The following PRUNE2 variants were observed in gnomAD, a reference collection of about 807,000 sequenced individuals.
PRUNE2 encodes the protein prune homolog 2 with BCH domain.
PRUNE2 carries 164 observed loss-of-function variants against 252.0 expected under a neutral mutation model. The observed-to-expected ratio is 0.65, with a 90% CI of 0.57 to 0.74. The LOEUF (loss-of-function observed/expected upper bound fraction) is 0.74. Among genes scored for constraint, PRUNE2 ranks in the 30% least tolerant of loss-of-function variants. The pLI is 0.00. For missense variants in PRUNE2, 3,495 were observed against 3,711.0 expected, an observed-to-expected ratio of 0.94 and a Z score of 1.51; for synonymous variants, 1,292 against 1,350.2, an observed-to-expected ratio of 0.96 and a Z score of 0.94.
rs1225526649 is a variant in PRUNE2, at chr9:76,703,705, C to G, written c.7908G>C (p.Leu2636Phe). The G allele has an allele frequency of 1.2e-6, 2 of 1,613,488 alleles. No individual in the cohort carries two copies. Among genetic ancestry groups the G allele is most frequent in the East Asian group, 4.5e-5 (2 of 44,884 alleles). The change falls in exon 9 of 19, where the codon TTG (leucine) becomes TTC (phenylalanine). Residue 2636 changes from leucine (L) to phenylalanine (F), a missense_variant. Physicochemically the swap from Leu to Phe is conservative, Grantham distance 22 (BLOSUM62 0). Coordinates refer to ENST00000376718, the MANE Select transcript of PRUNE2 (RefSeq NM_015225.3). Reference protein sequence around the residue: ...SPAQDQSWMFLGHSEVGDPSL... With the variant: ...SPAQDQSWMFFGHSEVGDPSL... ...ATGGATCACCAACCTCACTATGGCC[C>G]AAGAACATCCAACTCTGGTCTTGTG... is the stretch of plus-strand genomic sequence containing the variant.
chr9:76,904,276 G>A (rs2063349469), intron 1 of PRUNE2, among the ~76,000 whole-genome samples: 1 of 151,796 alleles, frequency 6.6e-6, no homozygotes, highest in African/African-American at 2.4e-5. Flanking sequence ...GTCTAATGAA[G>A]GGTAAATAAA....
In PRUNE2 at chr9:76,708,043, C is replaced by G. The variant is rs1356227426; in HGVS notation, c.4231G>C (p.Asp1411His). 9 of 1,613,986 alleles carry G rather than the reference C, an allele frequency of 5.6e-6. No individual in the cohort carries two copies. The highest frequency in any genetic ancestry group is 6.8e-6 in the Non-Finnish European group (8 of 1,179,894). ...LEYEEGSYNLDSRDVQTGMSA... is the reference protein window; with the variant it reads ...LEYEEGSYNLHSRDVQTGMSA... ...ATCCCTGTTTGCACATCACGGGAGTCTAGATTGTAAGACCCCTCCTCATAC... is the reference window on the plus strand; with the variant it reads ...ATCCCTGTTTGCACATCACGGGAGTGTAGATTGTAAGACCCCTCCTCATAC... Residue 1411 changes from aspartate (D) to histidine (H), a missense_variant, in exon 8 of 19, where the codon GAC (aspartate) becomes CAC (histidine). By Grantham distance (81) the Asp-to-His change is moderately conservative (BLOSUM62 -1). Coordinates refer to ENST00000376718, the MANE Select transcript of PRUNE2 (RefSeq NM_015225.3).
intron 9 of PRUNE2, chr9:76,692,453 T>C (rs1163723780): frequency 3.3e-6 from 1 of 307,466 alleles, no homozygotes; most frequent in Non-Finnish European, 5.9e-6. Context: ...TTAGTTCTCT[T>C]GAAACCTCTT....
intron 6 of PRUNE2, among the ~76,000 whole-genome samples, chr9:76,791,328 C>A (rs56838992): frequency 0.045 from 221 of 4,894 alleles, no homozygotes; most frequent in African/African-American, 0.15. Flanking sequence ...TACAATAATA[C>A]TGCACCAATT....
Position 76,883,731 on chromosome 9 carries a change from C to T in PRUNE2, c.36+22197G>A, listed in dbSNP as rs554340563. On this transcript the variant is annotated intron_variant, in intron 1 of 18. Transcript: ENST00000376718. ...CCAGGAAAATGCATCATCTTCTCTACTACTTATACTGTGGAGATTTGCAAA... is the reference window on the plus strand; with the variant it reads ...CCAGGAAAATGCATCATCTTCTCTATTACTTATACTGTGGAGATTTGCAAA... Among the ~76,000 whole-genome samples the T allele has an allele frequency of 2.0e-5, 3 of 152,292 alleles. No homozygotes were observed. In the East Asian group the frequency reaches 5.8e-4, roughly 29 times the overall value.
At chr9:76,725,514 G>GC (rs2048034257) in intron 6 of PRUNE2, among the ~76,000 whole-genome samples, 1 of 152,024 alleles carries the variant, frequency 6.6e-6, no homozygotes, top group African/African-American at 2.4e-5. Flanking sequence ...ATATGGTTGT[G>GC]CCCCCTTTGC....
chr9:76,705,442 G>A lies in PRUNE2; in HGVS notation c.6832C>T (p.Pro2278Ser), dbSNP rs2046242958. Residue 2278 changes from proline (P) to serine (S), a missense_variant, in exon 8 of 19, where the codon CCT (proline) becomes TCT (serine). Transcript: ENST00000376718. ...AGCAAAGCATCAGGAACCAAGGCAG[G>A]ATTCTCTGTGGATAAATGTGGATCA... ...DGDPHLSTEN[P>S]ALVPDALLAS... 1.9e-6 allele frequency: 3 copies of A among 1,613,952 alleles called. No homozygotes were observed. Among genetic ancestry groups the A allele is most frequent in the Non-Finnish European group, 2.5e-6 (3 of 1,179,846 alleles).
At chr9:76,845,729 T>A (rs577415762) in intron 4 of PRUNE2, among the ~76,000 whole-genome samples, 1 of 152,234 alleles carries the variant, frequency 6.6e-6, no homozygotes, top group African/African-American at 2.4e-5. Flanking sequence ...CTGTGTTAAA[T>A]ACTTTTGAGA....
At chr9:76,890,335 G>A (rs1190626707) in intron 1 of PRUNE2, among the ~76,000 whole-genome samples, 1 of 152,174 alleles carries the variant, frequency 6.6e-6, no homozygotes, top group Non-Finnish European at 1.5e-5. Context: ...GATAAGAAGT[G>A]GTGTAAAGAT....
At chr9:76,899,256 A>G (rs1291369231) in intron 1 of PRUNE2, among the ~76,000 whole-genome samples, 1 of 152,216 alleles carries the variant, frequency 6.6e-6, no homozygotes, top group Non-Finnish European at 1.5e-5. Context: ...AGAGGCTTTT[A>G]GTGCCCCATT....
At chr9:76,851,174 T>C (rs1262790667) in intron 2 of PRUNE2, among the ~76,000 whole-genome samples, 1 of 152,042 alleles carries the variant, frequency 6.6e-6, no homozygotes, top group African/African-American at 2.4e-5. Flanking sequence ...GGCACATACA[T>C]TGCATCTAAA....
In PRUNE2 at chr9:76,703,524, G is replaced by C. The variant is rs953037385; in HGVS notation, c.8089C>G (p.Gln2697Glu). Reference protein sequence around the residue: ...ALEEASGPVSQSQKSKSRGRA... With the variant: ...ALEEASGPVSESQKSKSRGRA... ...CCTCGGCTCTTACTCTTCTGTGATT[G>C]GCTGACTGGACCAGAGGCTTCCTCT... The change falls in exon 9 of 19, where the codon CAA (glutamine) becomes GAA (glutamate). Residue 2697 changes from glutamine to glutamate, a missense_variant. Physicochemically the swap from Gln to Glu is conservative, Grantham distance 29. Coordinates refer to ENST00000376718, the MANE Select transcript of PRUNE2 (RefSeq NM_015225.3). The C allele has an allele frequency of 1.2e-6, 2 of 1,613,782 alleles. No individual in the cohort carries two copies. Among genetic ancestry groups the C allele is most frequent in the South Asian group, 2.2e-5 (2 of 91,072 alleles).
chr9:76,648,023 G>A (rs928077621), intron 11 of PRUNE2, among the ~76,000 whole-genome samples: 1 of 151,932 alleles, frequency 6.6e-6, no homozygotes, highest in Non-Finnish European at 1.5e-5. Context: ...ACCTGGACAG[G>A]TACCTCACAA....
chr9:76,788,373 G>A (rs762816594), intron 6 of PRUNE2: 4 of 751,670 alleles, frequency 5.3e-6, no homozygotes, highest in South Asian at 4.3e-5. Context: ...TATATATACT[G>A]GACATTAAAC....
intron 6 of PRUNE2, among the ~76,000 whole-genome samples, chr9:76,777,251 G>A (rs1280125498): frequency 6.6e-6 from 1 of 152,180 alleles, no homozygotes; most frequent in African/African-American, 2.4e-5. Flanking sequence ...TAGGAGAGGG[G>A]TGCCAACCTC....
chr9:76,877,641 T>A (rs1470601426), intron 1 of PRUNE2, among the ~76,000 whole-genome samples: 1 of 152,180 alleles, frequency 6.6e-6, no homozygotes, highest in Non-Finnish European at 1.5e-5. Flanking sequence ...GCTGAATATC[T>A]CTTGAGGTTT....
intron 6 of PRUNE2, among the ~76,000 whole-genome samples, chr9:76,730,829 G>A (rs2048498936): frequency 6.6e-6 from 1 of 152,176 alleles, no homozygotes; most frequent in Non-Finnish European, 1.5e-5. Context: ...CTTGAACTTG[G>A]GAGGCAGATG....
In PRUNE2 at chr9:76,726,131, C is replaced by A. The variant is rs973178806; in HGVS notation, c.757-12410G>T. On this transcript the variant is annotated intron_variant, in intron 6 of 18. Transcript: ENST00000376718. ...GTGGCTGCAGCATCTCTGTGTAGAC[C>A]TTGCCAAATGAGTCACGACTCCCTT... 3.9e-5 allele frequency among the ~76,000 whole-genome samples: 6 copies of A among 152,220 alleles called. No individual in the cohort carries two copies. The East Asian group carries it at 1.2e-3, about 29-fold the overall frequency.
chr9:76,721,435 T>C (rs2047638192), intron 6 of PRUNE2, among the ~76,000 whole-genome samples: 1 of 152,208 alleles, frequency 6.6e-6, no homozygotes, highest in Non-Finnish European at 1.5e-5. Context: ...TGAAATATAT[T>C]GAGTAAGACT....
Sources: allele counts gnomAD v4.1 joint callset (sites outside exome capture counted in the v4.1 genomes callset), GRCh38; gene constraint gnomAD v4.1.1; transcripts MANE v1.5; gene names NCBI Gene and HGNC (gene_info 2026-07-23, HGNC 2026-07-21).